The following EPHB1 variants were observed in gnomAD, a reference collection of about 807,000 sequenced individuals.
EPHB1 encodes EPH receptor B1.
In EPHB1, 30 loss-of-function variants were observed where a neutral mutation model predicts 94.4. The observed-to-expected ratio is 0.32, with a 90% confidence interval of 0.24 to 0.43. The LOEUF (loss-of-function observed/expected upper bound fraction) is 0.43. EPHB1 is among the 20% of genes least tolerant of loss of function. The pLI is 1.00. For missense variants in EPHB1, 1,055 were observed against 1,308.3 expected (o/e 0.81, Z 2.99); for synonymous variants, 522 against 489.1 (o/e 1.07, Z -0.89).
chr3:135,114,166 A>G (rs140574030), intron 4 of EPHB1, among the ~76,000 whole-genome samples: 1 of 152,294 alleles, frequency 6.6e-6, no homozygotes, highest in Non-Finnish European at 1.5e-5. Flanking sequence ...GGATTTAGGC[A>G]CAGTGCACTT....
intron 3 of EPHB1, chr3:134,978,127 C>T: frequency 2.5e-6 from 1 of 397,316 alleles, no homozygotes; most frequent in Non-Finnish European, 5.0e-6. Context: ...TTTTCCCTTT[C>T]TCCCCTCAGA....
intron 9 of EPHB1, among the ~76,000 whole-genome samples, chr3:135,177,852 A>G (rs113338448): frequency 0.033 from 5,035 of 152,324 alleles, 129 homozygotes; most frequent in Middle Eastern, 0.085. Flanking sequence ...ATAACAAGTC[A>G]AAAAGGACTG....
chr3:134,911,058 TAA>T (rs532799700), intron 1 of EPHB1, among the ~76,000 whole-genome samples: 23 of 152,236 alleles, frequency 1.5e-4, no homozygotes, highest in Non-Finnish European at 3.2e-4. Context: ...CTCAGTGGCT[TAA>T]GTTATCGGGG....
intron 4 of EPHB1, among the ~76,000 whole-genome samples, chr3:135,120,008 A>G (rs1052081348): frequency 5.3e-5 from 8 of 152,186 alleles, no homozygotes; most frequent in Admixed American, 1.3e-4. Context: ...AAACTGTTCT[A>G]AAGATGGTAG....
intron 3 of EPHB1, among the ~76,000 whole-genome samples, chr3:134,967,950 T>G (rs1387731678): frequency 6.6e-6 from 1 of 152,220 alleles, no homozygotes; most frequent in Non-Finnish European, 1.5e-5. Context: ...ACAGGTGTGT[T>G]TCCCTGAACC....
chr3:135,030,582 C>T (rs1305834270), intron 3 of EPHB1, among the ~76,000 whole-genome samples: 1 of 152,234 alleles, frequency 6.6e-6, no homozygotes, highest in African/African-American at 2.4e-5. Context: ...TCTGCCCGTT[C>T]TCAGATCTCC....
chr3:135,012,981 G>A (rs191343031), intron 3 of EPHB1, among the ~76,000 whole-genome samples: 135 of 152,228 alleles, frequency 8.9e-4, no homozygotes, highest in African/African-American at 3.1e-3. Flanking sequence ...AGTATTTAAA[G>A]GTAACCAAAA....
chr3:134,911,421 G>A (rs1019252684), intron 1 of EPHB1, among the ~76,000 whole-genome samples: 9 of 152,196 alleles, frequency 5.9e-5, no homozygotes, highest in Admixed American at 2.6e-4. Flanking sequence ...CAGAGGGGCC[G>A]AGAGGGATGA....
intron 1 of EPHB1, among the ~76,000 whole-genome samples, chr3:134,868,317 T>C (rs1206299141): frequency 6.6e-6 from 1 of 152,192 alleles, no homozygotes; most frequent in African/African-American, 2.4e-5. Context: ...CCTAAGGCCA[T>C]AGATGGGGGC....
intron 4 of EPHB1, among the ~76,000 whole-genome samples, chr3:135,129,524 A>G (rs1316504828): frequency 6.6e-6 from 1 of 152,202 alleles, no homozygotes; most frequent in Non-Finnish European, 1.5e-5. Context: ...GACCTTTTCC[A>G]TGCACACTGA....
intron 9 of EPHB1, among the ~76,000 whole-genome samples, chr3:135,178,405 G>A (rs1160315048): frequency 6.9e-6 from 1 of 144,442 alleles, no homozygotes. Flanking sequence ...GCAGTGAGCC[G>A]AGATCACACC....
chr3:134,822,850 GC>G (rs2036406687), intron 1 of EPHB1, among the ~76,000 whole-genome samples: 1 of 152,202 alleles, frequency 6.6e-6, no homozygotes, highest in African/African-American at 2.4e-5. Context: ...GCAGATTGTA[GC>G]TTTGGCTTGG....
In EPHB1 at chr3:135,259,811, G is replaced by GAA. The variant is rs59196356; in HGVS notation, c.*699_*700dup. On this transcript the variant is annotated 3_prime_UTR_variant, in exon 16 of 16. Transcript: ENST00000398015. ...AAGGAAAAAGAAACCACAAATTGGG[G>GAA]AAAAAAAAAGAAGAAAAACCTGTTT... 1.9e-3 allele frequency: 412 copies of GAA among 214,684 alleles called. No individual in the cohort carries two copies. Among genetic ancestry groups the GAA allele is most frequent in the African/African-American group, 6.0e-3 (264 of 44,250 alleles). The allele number at this position is 214,684 out of a possible 1,614,324, so 13.3% of individuals were successfully genotyped here.
chr3:134,933,307 A>C (rs902363475), intron 2 of EPHB1, among the ~76,000 whole-genome samples: 1 of 152,054 alleles, frequency 6.6e-6, no homozygotes, highest in Non-Finnish European at 1.5e-5. Context: ...AGAAGATCAG[A>C]CATCTCCTCC....
intron 15 of EPHB1, among the ~76,000 whole-genome samples, chr3:135,257,409 T>G (rs1933448864): frequency 6.6e-6 from 1 of 151,734 alleles, no homozygotes; most frequent in Admixed American, 6.6e-5. Context: ...TGGATGTCCT[T>G]TCTGTTTGTT....
At chr3:135,228,335 CTAAG>C (rs1409231382) in intron 12 of EPHB1, among the ~76,000 whole-genome samples, 1 of 152,102 alleles carries the variant, frequency 6.6e-6, no homozygotes, top group Non-Finnish European at 1.5e-5. Flanking sequence ...TATGTGTTGC[CTAAG>C]TGACAGTGTG....
At chr3:134,799,375 T>G (rs112009365) in intron 1 of EPHB1, among the ~76,000 whole-genome samples, 2 of 152,236 alleles carry the variant, frequency 1.3e-5, no homozygotes, top group African/African-American at 4.8e-5. Context: ...GCACCAAAGA[T>G]TTTTAAAAAT....
chr3:135,258,034 C>A (rs557784031), intron 15 of EPHB1, among the ~76,000 whole-genome samples: 1 of 152,178 alleles, frequency 6.6e-6, no homozygotes, highest in Non-Finnish European at 1.5e-5. Flanking sequence ...TGACCCCTTG[C>A]GCTTCCCAAG....
At chr3:135,105,527 C>T (rs1249299739) in intron 3 of EPHB1, among the ~76,000 whole-genome samples, 1 of 152,056 alleles carries the variant, frequency 6.6e-6, no homozygotes, top group Admixed American at 6.5e-5. Flanking sequence ...AAGGAAGAGA[C>T]CAGATGTCTG....
Sources: allele counts gnomAD v4.1 joint callset (sites outside exome capture counted in the v4.1 genomes callset), GRCh38; gene constraint gnomAD v4.1.1; transcripts MANE v1.5; gene names NCBI Gene and HGNC (gene_info 2026-07-23, HGNC 2026-07-21).